Variants in ZNF423 observed in about 807,000 individuals in gnomAD.
The protein encoded by ZNF423 is zinc finger protein 423.
Under a neutral mutation model 95.8 loss-of-function variants are expected in ZNF423, and 12 were observed. That is an observed-to-expected ratio of 0.13 (90% CI 0.08 to 0.20). The LOEUF (loss-of-function observed/expected upper bound fraction) is 0.20. Among genes scored for constraint, ZNF423 ranks in the 10% least tolerant of loss-of-function variants. ZNF423 has a pLI of 1.00. For synonymous variants in ZNF423, 749 were observed against 711.9 expected, an observed-to-expected ratio of 1.05 and a Z score of -0.83; for missense variants, 1,316 against 1,737.1, an observed-to-expected ratio of 0.76 and a Z score of 4.31.
chr16:49,827,350 C>T (rs1452107295), intron 1 of ZNF423, among the ~76,000 whole-genome samples: 2 of 151,948 alleles, frequency 1.3e-5, no homozygotes, highest in Non-Finnish European at 2.9e-5. Context: ...AAACTGTATA[C>T]ATTTCACTTC....
At position 49,638,393 on chromosome 16, in the gene ZNF423, C is replaced by T. The variant is rs1399524548; in HGVS notation, c.783G>A (p.Lys261=). Residue 261 remains lysine, a synonymous_variant, in exon 4 of 8, where the codon AAG becomes AAA. Coordinates refer to ENST00000563137, the MANE Select transcript of ZNF423 (RefSeq NM_001379286.1). This position sits in a 1 kb window ranked among gnomAD's most constrained non-coding sequence, Gnocchi z 5.6. ...AHKKNKEHLA[K]SEKEAKKDDF... is the part of the protein sequence containing the mutation. ...CGTCCTTCTTGGCTTCCTTCTCCGA[C>T]TTGGCCAGATGCTCCTTGTTCTTTT... is the stretch of plus-strand genomic sequence containing the variant. 1 of 1,613,874 alleles carries T rather than the reference C, an allele frequency of 6.2e-7. No individual in the cohort carries two copies. The highest frequency in any genetic ancestry group is 1.3e-5 in the African/African-American group (1 of 74,918).
At chr16:49,776,658 G>A (rs1250718742) in intron 2 of ZNF423, among the ~76,000 whole-genome samples, 1 of 152,216 alleles carries the variant, frequency 6.6e-6, no homozygotes, top group Admixed American at 6.5e-5. Context: ...TGGGGGTTGC[G>A]GGGCGGCCCA....
chr16:49,830,666 G>A (rs1442276030), intron 1 of ZNF423, among the ~76,000 whole-genome samples: 1 of 152,142 alleles, frequency 6.6e-6, no homozygotes, highest in African/African-American at 2.4e-5. Flanking sequence ...ATGTGTCGGG[G>A]GGTGATGTCT....
intron 5 of ZNF423, among the ~76,000 whole-genome samples, chr16:49,562,338 C>T (rs1970046346): frequency 6.6e-6 from 1 of 152,214 alleles, no homozygotes; most frequent in Non-Finnish European, 1.5e-5. Context: ...AACTCTCTGA[C>T]CCTTTATCAT....
chr16:49,547,270 C>T (rs1426050085), intron 5 of ZNF423, among the ~76,000 whole-genome samples: 2 of 152,122 alleles, frequency 1.3e-5, no homozygotes, highest in East Asian at 3.9e-4. Flanking sequence ...AAAGGTCCCA[C>T]TCTGTTGGTT....
chr16:49,523,316 T>G (rs1567442093), intron 7 of ZNF423, among the ~76,000 whole-genome samples: 1 of 152,216 alleles, frequency 6.6e-6, no homozygotes, highest in East Asian at 1.9e-4. Context: ...CAGTGAAATA[T>G]CATTTTACAA....
intron 1 of ZNF423, among the ~76,000 whole-genome samples, chr16:49,820,011 A>G (rs562469900): frequency 1.2e-4 from 18 of 152,134 alleles, no homozygotes; most frequent in Middle Eastern, 3.4e-3. Flanking sequence ...TATTAAAGGT[A>G]TATTTGTTGA....
At position 49,563,825 on chromosome 16, in the gene ZNF423, T is replaced by G. The variant is rs1236909321; in HGVS notation, c.3602-38331A>C. ...CAGCTCAGGAATCCAAGAAAACATC[T>G]GTGACCTGATTGCTCATCAGGCAAG... On this transcript the variant is annotated intron_variant, in intron 5 of 7. Transcript: ENST00000563137. Among the ~76,000 whole-genome samples, 3 of 152,204 alleles carry G rather than the reference T, an allele frequency of 2.0e-5. No individual in the cohort carries two copies. In the East Asian group the frequency reaches 5.8e-4, roughly 29 times the overall value.
chr16:49,811,165 G>A (rs1457653648), intron 1 of ZNF423, among the ~76,000 whole-genome samples: 1 of 152,102 alleles, frequency 6.6e-6, no homozygotes, highest in Non-Finnish European at 1.5e-5. Context: ...AAGATTTCAA[G>A]AAGAAACAGA....
chr16:49,805,654 G>A (rs1012404600), intron 1 of ZNF423, among the ~76,000 whole-genome samples: 4 of 152,236 alleles, frequency 2.6e-5, no homozygotes, highest in African/African-American at 4.8e-5. Context: ...GAACCCTCCA[G>A]TGACCAGTCT....
intron 1 of ZNF423, among the ~76,000 whole-genome samples, chr16:49,839,643 C>T (rs2144088528): frequency 6.6e-6 from 1 of 152,292 alleles, no homozygotes; most frequent in African/African-American, 2.4e-5. Flanking sequence ...AGAAACAGCC[C>T]CAAGGAACTG....
At chr16:49,657,621 G>A (rs1197603797) in intron 3 of ZNF423, among the ~76,000 whole-genome samples, 2 of 152,222 alleles carry the variant, frequency 1.3e-5, no homozygotes, top group Non-Finnish European at 2.9e-5. Flanking sequence ...CCATTCCTGG[G>A]GCACCCTGCA....
chr16:49,700,089 A>G lies in ZNF423; in HGVS notation c.301+30682T>C, dbSNP rs1004808863. On this transcript the variant is annotated intron_variant, in intron 3 of 7. Transcript: ENST00000563137. ...CCAGGAAATCCAGGCCTCCTTGATC[A>G]GGCAGAAGAGGGTGGCTTGGGGAAA... Among the ~76,000 whole-genome samples, 6 of 151,944 alleles carry G rather than the reference A, an allele frequency of 3.9e-5. No individual in the cohort carries two copies. The East Asian group carries it at 9.7e-4, about 25-fold the overall frequency.
chr16:49,754,029 CAAAA>C (rs35566540), intron 2 of ZNF423, among the ~76,000 whole-genome samples: 2 of 91,716 alleles, frequency 2.2e-5, no homozygotes, highest in Non-Finnish European at 4.7e-5. Flanking sequence ...AAGACTCCGT[CAAAA>C]AAAAAAAAAA....
chr16:49,515,119 C>T (rs1464492523), intron 7 of ZNF423, among the ~76,000 whole-genome samples: 1 of 152,266 alleles, frequency 6.6e-6, no homozygotes, highest in African/African-American at 2.4e-5. Context: ...TCCCCAAGCC[C>T]AGCCTAAGCC....
intron 3 of ZNF423, among the ~76,000 whole-genome samples, chr16:49,724,991 T>C (rs2143310702): frequency 6.6e-6 from 1 of 152,328 alleles, no homozygotes; most frequent in South Asian, 2.1e-4. Flanking sequence ...GTCCCCAATC[T>C]GTGTTCTCAA....
intron 3 of ZNF423, among the ~76,000 whole-genome samples, chr16:49,684,715 G>A (rs561441267): frequency 1.7e-4 from 26 of 152,294 alleles, no homozygotes; most frequent in African/African-American, 6.0e-4. Flanking sequence ...GGTGGAACCC[G>A]CATCTTCCTA....
chr16:49,803,331 G>A (rs955079726), intron 1 of ZNF423, among the ~76,000 whole-genome samples: 1 of 152,098 alleles, frequency 6.6e-6, no homozygotes, highest in African/African-American at 2.4e-5. Context: ...ATCACAGGAG[G>A]CTCCAAATAA....
At chr16:49,721,763 A>G (rs1370035305) in intron 3 of ZNF423, among the ~76,000 whole-genome samples, 1 of 151,616 alleles carries the variant, frequency 6.6e-6, no homozygotes, top group Non-Finnish European at 1.5e-5. Flanking sequence ...AGAAGCAAAA[A>G]CCTCCTCCAC....
Sources: gnomAD v4.1 joint callset for allele counts (sites outside exome capture counted in the v4.1 genomes callset) on GRCh38, gnomAD v4.1.1 for gene constraint, Gnocchi (gnomAD v3.1) non-coding constraint, MANE v1.5 for transcripts, NCBI Gene and HGNC (gene_info 2026-07-23, HGNC 2026-07-21) for gene names.